The following SMIM13 variants were observed in gnomAD, a reference collection of about 807,000 sequenced individuals.
SMIM13 encodes the protein small integral membrane protein 13, also known as UPF0766 protein C6orf228.
In SMIM13, 3 loss-of-function variants were observed where a neutral mutation model predicts 5.9. The observed-to-expected ratio is 0.51, with a 90% CI of 0.23 to 1.31. SMIM13 has a LOEUF of 1.31. SMIM13 is among the 40% of genes most tolerant of loss of function. The pLI, the probability that SMIM13 is intolerant of heterozygous loss-of-function variation, is 0.18. For synonymous variants in SMIM13, 55 were observed against 46.0 expected, an observed-to-expected ratio of 1.19 and a Z score of -0.79; for missense variants, 85 against 109.9, an observed-to-expected ratio of 0.77 and a Z score of 1.01.
chr6:11,115,641 A>G (rs916212070), intron 1 of SMIM13, among the ~76,000 whole-genome samples: 5 of 151,924 alleles, frequency 3.3e-5, no homozygotes, highest in South Asian at 2.1e-4. Flanking sequence ...GGGATTAACT[A>G]TCCCATTACC....
At chr6:11,104,767 G>A (rs1420160672) in intron 1 of SMIM13, 2 of 1,614,112 alleles carry the variant, frequency 1.2e-6, no homozygotes, top group African/African-American at 1.3e-5. Flanking sequence ...AAAGTTCCCT[G>A]AGGAAAAGTA....
At chr6:11,132,237 T>C (rs1484282372) in intron 1 of SMIM13, among the ~76,000 whole-genome samples, 2 of 152,186 alleles carry the variant, frequency 1.3e-5, no homozygotes, top group Non-Finnish European at 2.9e-5. Context: ...TCATGCCTGC[T>C]AGGAGTCCTG....
intron 1 of SMIM13, among the ~76,000 whole-genome samples, chr6:11,098,982 C>T (rs1757959284): frequency 1.3e-5 from 2 of 152,184 alleles, no homozygotes; most frequent in South Asian, 4.1e-4. Flanking sequence ...TACTTGCCTA[C>T]TTGCCCTTAC....
At chr6:11,105,026 T>C (rs1317968041) in intron 1 of SMIM13, 1 of 1,614,244 alleles carries the variant, frequency 6.2e-7, no homozygotes, top group Non-Finnish European at 8.5e-7. Flanking sequence ...CTTGCTTTAC[T>C]GTTGAAAGAA....
At chr6:11,128,427 C>T (rs762405930) in intron 1 of SMIM13, among the ~76,000 whole-genome samples, 14 of 152,168 alleles carry the variant, frequency 9.2e-5, no homozygotes, top group Non-Finnish European at 1.6e-4. Context: ...TGTCTACTCT[C>T]CTCTCCTCAA....
At chr6:11,108,781 C>T (rs1758125897) in intron 1 of SMIM13, among the ~76,000 whole-genome samples, 2 of 152,150 alleles carry the variant, frequency 1.3e-5, no homozygotes, top group Non-Finnish European at 2.9e-5. Context: ...TCTGGTGTTT[C>T]CTCCTAATAT....
At chr6:11,103,683 A>G in intron 1 of SMIM13, 1 of 1,545,888 alleles carries the variant, frequency 6.5e-7, no homozygotes, top group Non-Finnish European at 8.7e-7. Context: ...CGAGCAGTCT[A>G]GGGGTCCTCC....
chr6:11,121,661 A>G (rs1403730840), intron 1 of SMIM13, among the ~76,000 whole-genome samples: 1 of 152,152 alleles, frequency 6.6e-6, no homozygotes, highest in Non-Finnish European at 1.5e-5. Flanking sequence ...TTTATTTTCT[A>G]TTACATAACT....
intron 1 of SMIM13, chr6:11,104,714 T>C: frequency 6.2e-7 from 1 of 1,614,236 alleles, no homozygotes; most frequent in Non-Finnish European, 8.5e-7. Context: ...GAGTACTGCA[T>C]GAGCTTGGGC....
intron 1 of SMIM13, among the ~76,000 whole-genome samples, chr6:11,096,865 G>C (rs534427350): frequency 6.6e-6 from 1 of 152,088 alleles, no homozygotes; most frequent in African/African-American, 2.4e-5. Context: ...CTGATTTTCT[G>C]TTTTTAATAG....
intron 1 of SMIM13, among the ~76,000 whole-genome samples, chr6:11,108,575 G>T (rs1758122504): frequency 6.6e-6 from 1 of 152,164 alleles, no homozygotes; most frequent in Non-Finnish European, 1.5e-5. Context: ...GTAGCATTTG[G>T]GCAAAGGGAT....
chr6:11,129,514 T>C (rs1443077657), intron 1 of SMIM13, among the ~76,000 whole-genome samples: 1 of 152,236 alleles, frequency 6.6e-6, no homozygotes, highest in East Asian at 1.9e-4. Context: ...ATCTCTTGAA[T>C]ATACTGATTT....
intron 1 of SMIM13, chr6:11,104,499 GC>G: frequency 1.3e-6 from 2 of 1,557,058 alleles, no homozygotes; most frequent in Non-Finnish European, 1.7e-6. Context: ...TTCTGAGACT[GC>G]TGATATGCCC....
At chr6:11,133,945 G>A (rs768045895) in intron 1 of SMIM13, among the ~76,000 whole-genome samples, 7 of 151,580 alleles carry the variant, frequency 4.6e-5, no homozygotes, top group Non-Finnish European at 8.8e-5. Flanking sequence ...TCCTGACTGA[G>A]TAGTTTTCAT....
chr6:11,133,324 G>T (rs1561761500), intron 1 of SMIM13, among the ~76,000 whole-genome samples: 1 of 152,110 alleles, frequency 6.6e-6, no homozygotes, highest in Non-Finnish European at 1.5e-5. Context: ...CTTGAGAAAT[G>T]GATTAAATCT....
chr6:11,116,978 GTTTCTTT>G (rs1758247385), intron 1 of SMIM13, among the ~76,000 whole-genome samples: 7 of 67,740 alleles, frequency 1.0e-4, no homozygotes, highest in Non-Finnish European at 1.8e-4. Context: ...AATGATAATT[GTTTCTTT>G]TTTTTTTTTT....
intron 1 of SMIM13, among the ~76,000 whole-genome samples, chr6:11,128,592 A>G (rs145156552): frequency 2.0e-5 from 3 of 152,320 alleles, no homozygotes; most frequent in South Asian, 2.1e-4. Context: ...GCACAGCACC[A>G]GGACTTGTCT....
At chr6:11,104,595 C>CA (rs747427247) in intron 1 of SMIM13, 2 of 1,613,842 alleles carry the variant, frequency 1.2e-6, no homozygotes, top group Non-Finnish European at 1.7e-6. Flanking sequence ...TTTATTTTCC[C>CA]AAAAAAGAGA....
At chr6:11,115,762 G>A (rs1758229702) in intron 1 of SMIM13, among the ~76,000 whole-genome samples, 1 of 148,192 alleles carries the variant, frequency 6.7e-6, no homozygotes, top group Non-Finnish European at 1.5e-5. Context: ...TCGGCTCACT[G>A]CAACCTCTGC....
Sources: allele counts gnomAD v4.1 joint callset (sites outside exome capture counted in the v4.1 genomes callset), GRCh38; gene constraint gnomAD v4.1.1; transcripts MANE v1.5; gene names NCBI Gene and HGNC (gene_info 2026-07-23, HGNC 2026-07-21).